Variants in DCTN5 observed in about 807,000 individuals in gnomAD.
DCTN5 encodes dynactin subunit 5, also known as dynactin 4.
DCTN5 carries 14 observed loss-of-function variants against 23.5 expected under a neutral mutation model. The ratio of observed to expected loss-of-function variants is 0.60; its 90% CI spans 0.39 to 0.93. The LOEUF (loss-of-function observed/expected upper bound fraction) is 0.93. Ranked by LOEUF, DCTN5 falls within the 40% of genes least tolerant of loss-of-function variation. The pLI, the probability that DCTN5 is intolerant of heterozygous loss-of-function variation, is 0.00. For synonymous variants in DCTN5, 67 were observed against 79.6 expected (o/e 0.84, Z 0.84); for missense variants, 156 against 225.9 (o/e 0.69, Z 1.98).
chr16:23,653,268 A>T (rs1967638296), intron 2 of DCTN5, among the ~76,000 whole-genome samples: 1 of 152,256 alleles, frequency 6.6e-6, no homozygotes, highest in African/African-American at 2.4e-5. Context: ...AGCAAAAAGA[A>T]CAAAGTTGTA....
chr16:23,664,557 T>A (rs1381169917), intron 4 of DCTN5, among the ~76,000 whole-genome samples: 1 of 152,210 alleles, frequency 6.6e-6, no homozygotes, highest in African/African-American at 2.4e-5. Flanking sequence ...CAGGCCCTGA[T>A]GTAAATGCAG....
intron 3 of DCTN5, 32 bp downstream of exon 3, chr16:23,658,657 G>A (rs187069752): frequency 1.3e-6 from 2 of 1,567,544 alleles, no homozygotes; most frequent in East Asian, 2.2e-5. Flanking sequence ...TTCAAGTCTT[G>A]GGCAAGAAGC....
chr16:23,658,762 C>A, intron 3 of DCTN5, 137 bp downstream of exon 3: 1 of 699,648 alleles, frequency 1.4e-6, no homozygotes, highest in Non-Finnish European at 2.5e-6. Flanking sequence ...ATAATGAACA[C>A]AACTCTGCTG....
Position 23,667,258 on chromosome 16 carries a change from C to T in DCTN5, c.*114C>T. 7.5e-7 allele frequency: 1 copy of T among 1,341,548 alleles called. No individual in the cohort carries two copies. Among genetic ancestry groups the T allele is most frequent in the Non-Finnish European group, 1.0e-6 (1 of 982,448 alleles). The allele number at this position is 1,341,548 out of a possible 1,614,324, so 83.1% of individuals were successfully genotyped here. On this transcript the variant is annotated 3_prime_UTR_variant, in exon 6 of 6. Transcript: ENST00000300087. ...TGTCTTTGACATCTACCACCCTCCT[C>T]CTTTTAAAAAATTTCTTTAGAATTT... is the stretch of plus-strand genomic sequence containing the variant.
At chr16:23,653,209 G>T (rs989147986) in intron 2 of DCTN5, among the ~76,000 whole-genome samples, 6 of 152,132 alleles carry the variant, frequency 3.9e-5, no homozygotes, top group African/African-American at 1.4e-4. Context: ...TTGTCTTTAT[G>T]CTAGAAACAA....
At position 23,677,257 on chromosome 16, in the gene DCTN5, T is replaced by C. The variant is rs1246483932; in HGVS notation, c.*10113T>C. The stretch of plus-strand genomic sequence containing the variant: ...TGAATCTCCTAGTACATCATCAGAC[T>C]AGGAGGTGGTGGTGTTGGCACCCCC... On this transcript the variant is annotated 3_prime_UTR_variant, in exon 6 of 6. Transcript: ENST00000300087. 1 of 152,182 alleles carries C rather than the reference T, an allele frequency of 6.6e-6. No individual in the cohort carries two copies. The highest frequency in any genetic ancestry group is 1.5e-5 in the Non-Finnish European group (1 of 68,040). The allele number at this position is 152,182 out of a possible 1,614,324, so 9.4% of individuals were successfully genotyped here.
At chr16:23,647,013 C>G (rs1967476217) in intron 2 of DCTN5, among the ~76,000 whole-genome samples, 1 of 152,118 alleles carries the variant, frequency 6.6e-6, no homozygotes, top group Non-Finnish European at 1.5e-5. Context: ...TCTAGAAAAT[C>G]AATTGGTCAT....
At position 23,668,307 on chromosome 16, in the gene DCTN5, A is replaced by G. The variant is rs1416293990; in HGVS notation, c.*1163A>G. 6.6e-6 allele frequency: 1 copy of G among 152,260 alleles called. No homozygotes were observed. The highest frequency in any genetic ancestry group is 1.5e-5 in the Non-Finnish European group (1 of 68,048). The allele number at this position is 152,260 out of a possible 1,614,324, so 9.4% of individuals were successfully genotyped here. A position where few individuals can be genotyped will look rare whatever the true frequency, so the allele number is the denominator to read the frequency against. The stretch of plus-strand genomic sequence containing the variant: ...CAGGAGCTATCCTGACTTAATATCC[A>G]GTTGTGGGGTTTGCAAAACAAAACA... On this transcript the variant is annotated 3_prime_UTR_variant, in exon 6 of 6. Coordinates refer to ENST00000300087, the MANE Select transcript of DCTN5 (RefSeq NM_032486.4).
rs1967962604 is a variant in DCTN5 at position 23,669,257 on chromosome 16, T to A, written c.*2113T>A. 1 of 152,240 alleles carries A rather than the reference T, an allele frequency of 6.6e-6. No homozygotes were observed. Among genetic ancestry groups the A allele is most frequent in the Admixed American group, 6.6e-5 (1 of 15,260 alleles). The allele number at this position is 152,240 out of a possible 1,614,324, so 9.4% of individuals were successfully genotyped here. A position where few individuals can be genotyped will look rare whatever the true frequency, so the allele number is the denominator to read the frequency against. ...CAGTTCACTTGGGGCAGAGGGAATT[T>A]AATGGCTCACGTAGCTGAAAAGGAT... On this transcript the variant is annotated 3_prime_UTR_variant, in exon 6 of 6. Transcript: ENST00000300087.
At chr16:23,656,084 C>T (rs1384260186) in intron 2 of DCTN5, among the ~76,000 whole-genome samples, 1 of 152,100 alleles carries the variant, frequency 6.6e-6, no homozygotes, top group Admixed American at 6.6e-5. Flanking sequence ...AAAAATTAGC[C>T]AGGTCTAGTG....
At chr16:23,658,304 AC>A (rs1967747979) in intron 2 of DCTN5, among the ~76,000 whole-genome samples, 1 of 152,240 alleles carries the variant, frequency 6.6e-6, no homozygotes. Context: ...CTTGTGATGT[AC>A]TAGGAACATC....
chr16:23,645,443 A>G (rs1227169496), intron 2 of DCTN5, among the ~76,000 whole-genome samples: 1 of 152,064 alleles, frequency 6.6e-6, no homozygotes, highest in African/African-American at 2.4e-5. Flanking sequence ...TTTTAAGTGT[A>G]CAATTAGTTG....
chr16:23,650,701 C>T (rs1057354023), intron 2 of DCTN5: 2 of 1,478,546 alleles, frequency 1.4e-6, no homozygotes, highest in East Asian at 2.5e-5. Context: ...TACTTTGTTT[C>T]TAGTTTTTTG....
chr16:23,660,599 T>C (rs899347440), intron 3 of DCTN5, among the ~76,000 whole-genome samples: 1 of 152,228 alleles, frequency 6.6e-6, no homozygotes, highest in Non-Finnish European at 1.5e-5. Flanking sequence ...GTAGCCCTTA[T>C]CACAGTTGTC....
chr16:23,652,812 C>T (rs965595646), intron 2 of DCTN5, among the ~76,000 whole-genome samples: 3 of 152,100 alleles, frequency 2.0e-5, no homozygotes, highest in African/African-American at 7.2e-5. Flanking sequence ...TTTGGGGGCA[C>T]ATGATAATTT....
chr16:23,648,641 C>A (rs757725271), intron 2 of DCTN5, among the ~76,000 whole-genome samples: 5 of 151,798 alleles, frequency 3.3e-5, no homozygotes, highest in Non-Finnish European at 5.9e-5. Flanking sequence ...TGGGCCACCA[C>A]ACCTGGCCCT....
chr16:23,670,252 A>G lies in DCTN5; in HGVS notation c.*3108A>G, dbSNP rs1345345885. The G allele has an allele frequency of 6.6e-6, 1 of 152,250 alleles. No individual in the cohort carries two copies. Among genetic ancestry groups the G allele is most frequent in the African/African-American group, 2.4e-5 (1 of 41,430 alleles). 9.4% of individuals were successfully genotyped at this position (152,250 alleles called of 1,614,324 possible). ...CTCCTGTTGACTGATTCTGTTTTAC[A>G]TGGCTGCACAGAGCCCTTGTGGTTA... is the stretch of plus-strand genomic sequence containing the variant. On this transcript the variant is annotated 3_prime_UTR_variant, in exon 6 of 6. Coordinates refer to ENST00000300087, the MANE Select transcript of DCTN5 (RefSeq NM_032486.4).
chr16:23,677,377 C>G lies in DCTN5; in HGVS notation c.*10233C>G, dbSNP rs1959235983. ...CAGATTTGTTCAGTTTGTGAAAATT[C>G]ACTGAGCTCTATGAACAATTATAAT... On this transcript the variant is annotated 3_prime_UTR_variant, in exon 6 of 6. Transcript: ENST00000300087. 6.6e-6 allele frequency: 1 copy of G among 152,146 alleles called. No homozygotes were observed. Among genetic ancestry groups the G allele is most frequent in the South Asian group, 2.1e-4 (1 of 4,814 alleles). The allele number at this position is 152,146 out of a possible 1,614,324, so 9.4% of individuals were successfully genotyped here.
Position 23,673,220 on chromosome 16 carries a change from A to G in DCTN5, c.*6076A>G, listed in dbSNP as rs933308544. ...AACATGGAAACAGCTATGAAAAGACATAAGAGAATTAGGAGGATTTTCTTT... is the reference window on the plus strand; with the variant it reads ...AACATGGAAACAGCTATGAAAAGACGTAAGAGAATTAGGAGGATTTTCTTT... On this transcript the variant is annotated 3_prime_UTR_variant, in exon 6 of 6. Transcript: ENST00000300087. 1 of 151,984 alleles carries G rather than the reference A, an allele frequency of 6.6e-6. No homozygotes were observed. Among genetic ancestry groups the G allele is most frequent in the Non-Finnish European group, 1.5e-5 (1 of 67,998 alleles). 9.4% of individuals were successfully genotyped at this position (151,984 alleles called of 1,614,324 possible).
Sources: allele counts gnomAD v4.1 joint callset (sites outside exome capture counted in the v4.1 genomes callset), GRCh38; gene constraint gnomAD v4.1.1; transcripts MANE v1.5; gene names NCBI Gene and HGNC (gene_info 2026-07-23, HGNC 2026-07-21).